SH2B2: variants seen among roughly 807,000 people sequenced by gnomAD.
The protein encoded by SH2B2 is SH2B adapter protein 2.
A neutral mutation model predicts 35.7 loss-of-function variants in SH2B2; 37 were observed. That is an observed-to-expected ratio of 1.04 (90% CI 0.80 to 1.36). SH2B2 has a LOEUF of 1.36. Ranked by LOEUF, SH2B2 falls within the 40% of genes most tolerant of loss-of-function variation. SH2B2 has a pLI of 0.00. For synonymous variants in SH2B2, 383 were observed against 376.4 expected (o/e 1.02, Z -0.20); for missense variants, 852 against 817.7 (o/e 1.04, Z -0.51).
intron 7 of SH2B2, among the ~76,000 whole-genome samples, chr7:102,319,009 C>T (rs1793960021): frequency 6.6e-6 from 1 of 152,122 alleles, no homozygotes; most frequent in African/African-American, 2.4e-5. Context: ...ACCTGCCTCT[C>T]ACCTCTCTAC....
chr7:102,286,785 G>C (rs1418597964), upstream of SH2B2: 1 of 134,512 alleles, frequency 7.4e-6, no homozygotes, highest in East Asian at 2.1e-4. Flanking sequence ...GCCAGGACGC[G>C]CGAGGGGGGG....
chr7:102,287,484 C>T (rs1341000107), intron 1 of SH2B2, among the ~76,000 whole-genome samples: 12 of 152,072 alleles, frequency 7.9e-5, no homozygotes, highest in Non-Finnish European at 1.6e-4. Flanking sequence ...ACGCTGGGAG[C>T]GCTGGGAGGG....
intron 2 of SH2B2, among the ~76,000 whole-genome samples, chr7:102,306,058 C>G (rs1370549507): frequency 2.6e-5 from 4 of 151,886 alleles, no homozygotes; most frequent in Non-Finnish European, 5.9e-5. Context: ...TGCCACCACA[C>G]TCGGCTAAGT....
At chr7:102,317,150 T>C in intron 6 of SH2B2, 37 bp from the exon 7 acceptor site, 1 of 1,493,606 alleles carries the variant, frequency 6.7e-7, no homozygotes, top group Non-Finnish European at 9.1e-7. Context: ...CCTTTCTCCT[T>C]CCCCCCATGT....
intron 4 of SH2B2, among the ~76,000 whole-genome samples, chr7:102,310,585 C>A (rs578158583): frequency 3.9e-5 from 6 of 152,286 alleles, no homozygotes; most frequent in Admixed American, 3.9e-4. Context: ...GCCCGACAGG[C>A]TGAGCAATTG....
chr7:102,313,910 CAA>C (rs1175762478), intron 4 of SH2B2, among the ~76,000 whole-genome samples: 3 of 129,232 alleles, frequency 2.3e-5, no homozygotes, highest in Admixed American at 8.0e-5. Flanking sequence ...GACTCCGTCT[CAA>C]AAAAAAAAAA....
chr7:102,309,074 C>G, intron 4 of SH2B2, 168 bp downstream of exon 4: 1 of 714,298 alleles, frequency 1.4e-6, no homozygotes, highest in African/African-American at 1.7e-5. Context: ...AAAATACCCC[C>G]TACCTCCAAT....
chr7:102,292,346 G>C (rs1265135493), intron 1 of SH2B2, among the ~76,000 whole-genome samples: 3 of 151,982 alleles, frequency 2.0e-5, no homozygotes, highest in Non-Finnish European at 4.4e-5. Flanking sequence ...GCCTGGCCAA[G>C]ATGGTGAAAC....
Position 102,321,306 on chromosome 7 carries a change from C to T in SH2B2, c.1575C>T (p.Gly525=). The stretch of plus-strand genomic sequence containing the variant: ...GCCGTCGCCTTGTTGCAGAGCCGGG[C>T]CCCACGCCCCCTGCCGCGCCCGCGT... ...VRAQDPPPEP[G]PTPPAAPASP... is the part of the protein sequence containing the mutation. Residue 525 remains glycine (G), a synonymous_variant, in exon 9 of 9, where the codon GGC becomes GGT. Transcript: ENST00000444095. 1.4e-6 allele frequency: 2 copies of T among 1,407,436 alleles called. No individual in the cohort carries two copies. The highest frequency in any genetic ancestry group is 1.5e-5 in the South Asian group (1 of 67,858). 87.2% of individuals were successfully genotyped at this position (1,407,436 alleles called of 1,614,324 possible). A position where few individuals can be genotyped will look rare whatever the true frequency, so the allele number is the denominator to read the frequency against.
chr7:102,287,420 G>C (rs1358544824), intron 1 of SH2B2, among the ~76,000 whole-genome samples: 11 of 152,186 alleles, frequency 7.2e-5, no homozygotes, highest in Non-Finnish European at 1.3e-4. Context: ...GAGCAGCCGG[G>C]TCCTTAGAGG....
intron 6 of SH2B2, among the ~76,000 whole-genome samples, chr7:102,316,258 C>G (rs1793824205): frequency 1.3e-5 from 2 of 151,974 alleles, no homozygotes; most frequent in Non-Finnish European, 2.9e-5. Context: ...GCCTGGGTGA[C>G]AGAGCAAGAC....
rs1554555373 is a variant in SH2B2 at position 102,308,831 on chromosome 7, A to G, written c.848A>G (p.Glu283Gly). The change falls in exon 4 of 9, where the codon GAA becomes GGA. Residue 283 changes from glutamate to glycine, a missense_variant. Around this residue, in one of 3 missense-constraint regions of SH2B2, gnomAD observed 556 missense variants for 514.5 expected, o/e 1.08. Transcript: ENST00000444095. ...CCTCCCCAGGTAGAGAATGGAGCCG[A>G]ATACATCTTGGAGACCATCGACTCT... is the stretch of plus-strand genomic sequence containing the variant. ...TFVLKVENGA[E>G]YILETIDSLQ... 1.2e-6 allele frequency: 2 copies of G among 1,613,702 alleles called. No homozygotes were observed. Among genetic ancestry groups the G allele is most frequent in the Admixed American group, 1.7e-5 (1 of 60,024 alleles).
rs1172036853 is a variant in SH2B2, at chr7:102,287,090, T to G, written c.-34T>G. 3 of 151,750 alleles carry G rather than the reference T, an allele frequency of 2.0e-5. No homozygotes were observed. The highest frequency in any genetic ancestry group is 4.4e-5 in the Non-Finnish European group (3 of 67,914). 9.4% of individuals were successfully genotyped at this position (151,750 alleles called of 1,614,324 possible). On this transcript the variant is annotated 5_prime_UTR_variant, in exon 1 of 9. Transcript: ENST00000444095. ...GCCCGCTCGGCCGCAGCTGCGCGCCTGTAGGTATGGCCTCCTTATACCCAG... is the reference window on the plus strand; with the variant it reads ...GCCCGCTCGGCCGCAGCTGCGCGCCGGTAGGTATGGCCTCCTTATACCCAG...
At chr7:102,285,421 T>G (rs782392614), upstream of SH2B2, among the ~76,000 whole-genome samples, 1 of 152,168 alleles carries the variant, frequency 6.6e-6, no homozygotes, top group Non-Finnish European at 1.5e-5. Flanking sequence ...TGCAGGCCTG[T>G]GTGCAGCTCC....
intron 4 of SH2B2, among the ~76,000 whole-genome samples, chr7:102,310,450 C>T: frequency 6.6e-6 from 1 of 152,094 alleles, no homozygotes; most frequent in East Asian, 1.9e-4. Context: ...AGGTCAGGGA[C>T]AATGGGAGCC....
intron 4 of SH2B2, among the ~76,000 whole-genome samples, chr7:102,310,701 C>T (rs1554555876): frequency 6.6e-6 from 1 of 152,212 alleles, no homozygotes; most frequent in South Asian, 2.1e-4. Flanking sequence ...GTCCTGGGCG[C>T]CTCCCAGGCC....
chr7:102,314,094 T>C (rs1205173139), intron 4 of SH2B2, among the ~76,000 whole-genome samples: 1 of 152,140 alleles, frequency 6.6e-6, no homozygotes, highest in Non-Finnish European at 1.5e-5. Flanking sequence ...AGGCTGCTGC[T>C]GAGGACTTTG....
chr7:102,312,985 C>T (rs936593425), intron 4 of SH2B2, among the ~76,000 whole-genome samples: 5 of 151,426 alleles, frequency 3.3e-5, no homozygotes, highest in Admixed American at 6.6e-5. Flanking sequence ...CAAAATCAGC[C>T]GGGCGTGGTG....
intron 2 of SH2B2, among the ~76,000 whole-genome samples, chr7:102,301,723 C>T (rs1390487667): frequency 2.0e-5 from 3 of 152,062 alleles, no homozygotes; most frequent in Non-Finnish European, 4.4e-5. Flanking sequence ...CAGGCACCCA[C>T]CACGATGCCC....
Sources: allele counts gnomAD v4.1 joint callset (sites outside exome capture counted in the v4.1 genomes callset), GRCh38; gene constraint gnomAD v4.1.1; regional missense constraint gnomAD v4.1.1; transcripts MANE v1.5; gene names NCBI Gene and HGNC (gene_info 2026-07-23, HGNC 2026-07-21).